Variants in VWC2L observed in about 807,000 individuals in gnomAD.
The protein encoded by VWC2L is von Willebrand factor C domain containing 2 like.
In VWC2L, 10 loss-of-function variants were observed where a neutral mutation model predicts 21.6. That is an observed-to-expected ratio of 0.46 (90% CI 0.29 to 0.78). VWC2L has a LOEUF of 0.78. Among genes scored for constraint, VWC2L ranks in the 30% least tolerant of loss-of-function variants. The probability of loss-of-function intolerance (pLI) is 0.10; values close to 1 mark genes in which losing one functional copy is unlikely to be tolerated. For missense variants in VWC2L, 209 were observed against 277.1 expected, an observed-to-expected ratio of 0.75 and a Z score of 1.74; for synonymous variants, 96 against 94.3, an observed-to-expected ratio of 1.02 and a Z score of -0.10.
chr2:214,500,475 TACTGCA>T (rs1347649879), intron 3 of VWC2L, among the ~76,000 whole-genome samples: 1 of 152,212 alleles, frequency 6.6e-6, no homozygotes, highest in African/African-American at 2.4e-5. Flanking sequence ...ACTATATGGC[TACTGCA>T]ACTCTAACCA....
chr2:214,551,042 G>A (rs12991048), intron 3 of VWC2L, among the ~76,000 whole-genome samples: 111,068 of 152,040 alleles, frequency 0.73, 41,173 homozygotes, highest in East Asian at 0.83. Flanking sequence ...AAAATTAGCA[G>A]AACAGCTCCT....
intron 3 of VWC2L, among the ~76,000 whole-genome samples, chr2:214,563,605 C>CTTAT (rs1462793135): frequency 2.1e-5 from 3 of 143,900 alleles, no homozygotes; most frequent in African/African-American, 7.9e-5. Context: ...AATGTGAAGC[C>CTTAT]TTATTTCTGA....
chr2:214,440,252 A>C (rs1470465643), intron 3 of VWC2L, among the ~76,000 whole-genome samples: 1 of 152,050 alleles, frequency 6.6e-6, no homozygotes, highest in African/African-American at 2.4e-5. Context: ...AAAAGATGAG[A>C]GTAATTTTTA....
Position 214,480,172 on chromosome 2 carries a change from G to A in VWC2L, c.520+43414G>A, listed in dbSNP as rs116214384. ...GCATCTGCAGATTTTTATATCCTTGGGGATTCTGGAACTAATGCCCTGTGT... is the reference window on the plus strand; with the variant it reads ...GCATCTGCAGATTTTTATATCCTTGAGGATTCTGGAACTAATGCCCTGTGT... On this transcript the variant is annotated intron_variant, in intron 3 of 3. Coordinates refer to ENST00000312504, the MANE Select transcript of VWC2L (RefSeq NM_001080500.4). Among the ~76,000 whole-genome samples, 267 of 152,118 alleles carry A rather than the reference G, an allele frequency of 1.8e-3. 1 individual carries two copies. Among genetic ancestry groups the A allele is most frequent in the African/African-American group, 6.0e-3 (250 of 41,484 alleles).
intron 3 of VWC2L, among the ~76,000 whole-genome samples, chr2:214,479,167 A>G (rs187827477): frequency 1.1e-3 from 161 of 152,278 alleles, no homozygotes; most frequent in African/African-American, 3.5e-3. Context: ...CATGGGTGAG[A>G]TCATCTCAAA....
intron 3 of VWC2L, among the ~76,000 whole-genome samples, chr2:214,502,464 G>A (rs1002750723): frequency 6.6e-6 from 1 of 152,124 alleles, no homozygotes; most frequent in African/African-American, 2.4e-5. Context: ...CTGCTACTTG[G>A]GAGGCTGAGG....
intron 3 of VWC2L, among the ~76,000 whole-genome samples, chr2:214,542,395 A>G (rs1308163874): frequency 2.6e-5 from 4 of 152,178 alleles, no homozygotes; most frequent in African/African-American, 9.6e-5. Flanking sequence ...TTGCAGCATC[A>G]GTGAGCAATC....
At chr2:214,563,283 CA>C (rs1484735480) in intron 3 of VWC2L, among the ~76,000 whole-genome samples, 3 of 152,004 alleles carry the variant, frequency 2.0e-5, no homozygotes, top group African/African-American at 7.2e-5. Flanking sequence ...TGCGGTGGTG[CA>C]CGCCTGTAAT....
intron 3 of VWC2L, among the ~76,000 whole-genome samples, chr2:214,556,051 G>T (rs770152537): frequency 6.6e-6 from 1 of 151,926 alleles, no homozygotes; most frequent in Non-Finnish European, 1.5e-5. Flanking sequence ...ATCAAGTCTC[G>T]GCAGATCACC....
At chr2:214,533,351 C>T (rs1039062147) in intron 3 of VWC2L, among the ~76,000 whole-genome samples, 2 of 152,020 alleles carry the variant, frequency 1.3e-5, no homozygotes, top group South Asian at 2.1e-4. Flanking sequence ...AACAAGCCTG[C>T]AGCTGTAATG....
rs145051826 is a variant in VWC2L at position 214,422,798 on chromosome 2, G to A, written c.390+8215G>A. Among the ~76,000 whole-genome samples the A allele has an allele frequency of 3.0e-3, 458 of 152,198 alleles. 5 individuals are homozygous for A. Among genetic ancestry groups the A allele is most frequent in the African/African-American group, 0.011 (438 of 41,532 alleles). On this transcript the variant is annotated intron_variant, in intron 2 of 3. Transcript: ENST00000312504. ...GAAAGAGTGAATAAAGTACTAAAGT[G>A]ACAAGAAAGATCATTCAGCTCCTGA...
intron 3 of VWC2L, among the ~76,000 whole-genome samples, chr2:214,542,813 A>G (rs1475573788): frequency 6.6e-6 from 1 of 152,124 alleles, no homozygotes; most frequent in Non-Finnish European, 1.5e-5. Flanking sequence ...CACTTTCATC[A>G]AAGACATATT....
At chr2:214,551,325 TC>T (rs1689791308) in intron 3 of VWC2L, among the ~76,000 whole-genome samples, 1 of 152,180 alleles carries the variant, frequency 6.6e-6, no homozygotes, top group Non-Finnish European at 1.5e-5. Context: ...TTACAAATCT[TC>T]TTATTCGTAT....
At chr2:214,543,037 C>T (rs114921549) in intron 3 of VWC2L, among the ~76,000 whole-genome samples, 218 of 152,258 alleles carry the variant, frequency 1.4e-3, no homozygotes, top group African/African-American at 5.1e-3. Flanking sequence ...ATTACTCACA[C>T]CTCAAGGAAT....
At chr2:214,515,452 C>T (rs959046629) in intron 3 of VWC2L, among the ~76,000 whole-genome samples, 3 of 152,228 alleles carry the variant, frequency 2.0e-5, no homozygotes, top group African/African-American at 7.2e-5. Context: ...TTCCTACTCT[C>T]AAGAGCCTTA....
In VWC2L at chr2:214,493,374, C is replaced by T. The variant is rs1248099826; in HGVS notation, c.520+56616C>T. ...CATGCTAACAAGAACAAAAGGAAAG[C>T]TATTGGTTCATATAACTGAAAAATC... is the stretch of plus-strand genomic sequence containing the variant. On this transcript the variant is annotated intron_variant, in intron 3 of 3. Transcript: ENST00000312504. Among the ~76,000 whole-genome samples, 3 of 152,160 alleles carry T rather than the reference C, an allele frequency of 2.0e-5. No homozygotes were observed. The East Asian group carries it at 5.8e-4, about 29-fold the overall frequency.
chr2:214,519,736 T>C (rs1226643320), intron 3 of VWC2L, among the ~76,000 whole-genome samples: 1 of 152,114 alleles, frequency 6.6e-6, no homozygotes, highest in African/African-American at 2.4e-5. Context: ...GGTCCCATTT[T>C]CTCCCCATAG....
At chr2:214,525,479 G>A (rs1413866896) in intron 3 of VWC2L, 1 of 152,164 alleles carries the variant, frequency 6.6e-6, no homozygotes, top group Non-Finnish European at 1.5e-5. Context: ...ATTTGAAAGT[G>A]ATTTTTCAAA....
intron 3 of VWC2L, among the ~76,000 whole-genome samples, chr2:214,475,852 G>T (rs747137880): frequency 6.6e-6 from 1 of 152,066 alleles, no homozygotes; most frequent in Non-Finnish European, 1.5e-5. Context: ...AGAAGTAACT[G>T]ATTGCAAAGG....
Sources: gnomAD v4.1 joint callset for allele counts (sites outside exome capture counted in the v4.1 genomes callset) on GRCh38, gnomAD v4.1.1 for gene constraint, MANE v1.5 for transcripts, NCBI Gene and HGNC (gene_info 2026-07-23, HGNC 2026-07-21) for gene names.